VEZT: variants seen among roughly 807,000 people sequenced by gnomAD.
VEZT encodes the protein vezatin, adherens junctions transmembrane protein, also known as vezatin.
A neutral mutation model predicts 79.9 loss-of-function variants in VEZT; 39 were observed. The observed-to-expected ratio is 0.49, with a 90% CI of 0.38 to 0.64. The LOEUF is 0.64. VEZT is among the 30% of genes least tolerant of loss of function. The pLI, the probability that VEZT is intolerant of heterozygous loss-of-function variation, is 0.00. For missense variants in VEZT, 837 were observed against 893.1 expected, an observed-to-expected ratio of 0.94 and a Z score of 0.80; for synonymous variants, 325 against 327.6, an observed-to-expected ratio of 0.99 and a Z score of 0.09.
In VEZT at chr12:95,221,355, G is replaced by C. The variant is rs187124605; in HGVS notation, c.36+3469G>C. ...AAGCCAGGCAGATCACTTGAGGCTAGGAGTTTGAGACCAGCCTGGCCAACA... is the reference window on the plus strand; with the variant it reads ...AAGCCAGGCAGATCACTTGAGGCTACGAGTTTGAGACCAGCCTGGCCAACA... On this transcript the variant is annotated intron_variant, in intron 1 of 11. Transcript: ENST00000436874. Among the ~76,000 whole-genome samples the C allele has an allele frequency of 4.8e-3, 725 of 152,288 alleles. 5 individuals are homozygous for C. Among genetic ancestry groups the C allele is most frequent in the African/African-American group, 0.017 (699 of 41,552 alleles).
intron 7 of VEZT, among the ~76,000 whole-genome samples, chr12:95,281,703 G>A (rs537086756): frequency 1.3e-5 from 2 of 152,036 alleles, no homozygotes; most frequent in South Asian, 2.1e-4. Context: ...ATACCACCAT[G>A]TCTGGCTAAA....
chr12:95,297,941 G>A (rs112062919), intron 11 of VEZT, among the ~76,000 whole-genome samples: 7 of 151,972 alleles, frequency 4.6e-5, no homozygotes, highest in South Asian at 2.1e-4. Context: ...CCAACATGGC[G>A]AAACCCCCTC....
Position 95,271,033 on chromosome 12 carries a change from C to A in VEZT, c.848+845C>A, listed in dbSNP as rs1162439701. 3.3e-5 allele frequency among the ~76,000 whole-genome samples: 5 copies of A among 152,052 alleles called. 1 individual carries two copies. Among genetic ancestry groups the A allele is most frequent in the African/African-American group, 9.7e-5 (4 of 41,390 alleles). ...ATGTTCTATCATATCCTTATACAAA[C>A]CTTTGTAGCTAGATTTTCTTGTCTC... On this transcript the variant is annotated intron_variant, in intron 6 of 11. Coordinates refer to ENST00000436874, the MANE Select transcript of VEZT (RefSeq NM_017599.4).
At position 95,266,246 on chromosome 12, in the gene VEZT, A is replaced by G; in HGVS notation, c.435-111A>G. On this transcript the variant is annotated intron_variant, in intron 4 of 11. Transcript: ENST00000436874. Reference sequence around the variant, plus strand: ...AGTTATGCTTTACAAAGAAGCTAGCATTTTATTTATTTAGTAAACCTAAAT... The same window carrying G: ...AGTTATGCTTTACAAAGAAGCTAGCGTTTTATTTATTTAGTAAACCTAAAT... 3 of 1,200,398 alleles carry G rather than the reference A, an allele frequency of 2.5e-6. No homozygotes were observed. The South Asian group carries it at 4.9e-5, about 20-fold the overall frequency. The allele number at this position is 1,200,398 out of a possible 1,614,324, so 74.4% of individuals were successfully genotyped here.
intron 9 of VEZT, among the ~76,000 whole-genome samples, chr12:95,288,634 T>A (rs567863918): frequency 8.0e-4 from 122 of 152,370 alleles, no homozygotes; most frequent in South Asian, 1.7e-3. Flanking sequence ...AGATTTGTAA[T>A]AATTTCTTTA....
At chr12:95,285,340 A>G (rs1381745582) in intron 8 of VEZT, among the ~76,000 whole-genome samples, 2 of 151,880 alleles carry the variant, frequency 1.3e-5, no homozygotes, top group African/African-American at 4.8e-5. Context: ...GCTGCTTGGG[A>G]GGCTGAGGTG....
chr12:95,238,953 G>A (rs1226628323), intron 1 of VEZT, among the ~76,000 whole-genome samples: 1 of 152,140 alleles, frequency 6.6e-6, no homozygotes, highest in African/African-American at 2.4e-5. Context: ...TACAATATAT[G>A]TCCTAATATG....
At chr12:95,225,262 C>T (rs1038961756) in intron 1 of VEZT, among the ~76,000 whole-genome samples, 18 of 152,118 alleles carry the variant, frequency 1.2e-4, no homozygotes, top group Non-Finnish European at 1.9e-4. Flanking sequence ...GACAAGAGCA[C>T]GTGATCATGA....
intron 1 of VEZT, chr12:95,243,814 A>C (rs912404324): frequency 1.4e-5 from 5 of 363,072 alleles, no homozygotes; most frequent in Non-Finnish European, 2.7e-5. Context: ...CTCAAAACTG[A>C]ATTAGTTCTC....
intron 2 of VEZT, among the ~76,000 whole-genome samples, chr12:95,256,100 G>A (rs1417434309): frequency 1.3e-5 from 2 of 151,892 alleles, no homozygotes; most frequent in East Asian, 3.9e-4. Flanking sequence ...CACCCAGGCT[G>A]GAGTGCAATG....
chr12:95,300,619 TG>T lies in VEZT; in HGVS notation c.2287del (p.Glu763ArgfsTer6). The T allele has an allele frequency of 6.2e-7, 1 of 1,604,660 alleles. No individual in the cohort carries two copies. The highest frequency in any genetic ancestry group is 8.5e-7 in the Non-Finnish European group (1 of 1,174,398). ...TTMQEQTFGG[E>X]EEEQIIEENK... ...CCATGCAGGAACAGACTTTTGGTGG[TG>T]AGGAGGAAGAACAAATAATAGAAGA... On this transcript the variant is annotated frameshift_variant, in exon 12 of 12. Transcript: ENST00000436874. LOFTEE classifies it high-confidence loss of function.
chr12:95,219,245 T>C (rs1176249391), intron 1 of VEZT, among the ~76,000 whole-genome samples: 2 of 152,192 alleles, frequency 1.3e-5, no homozygotes, highest in Non-Finnish European at 2.9e-5. Flanking sequence ...TTTTGATTTC[T>C]GAATATAATA....
chr12:95,255,411 G>T (rs1269821025), intron 2 of VEZT, among the ~76,000 whole-genome samples: 1 of 152,024 alleles, frequency 6.6e-6, no homozygotes, highest in Non-Finnish European at 1.5e-5. Flanking sequence ...GGCCTTTATT[G>T]TTATTTAGCT....
At position 95,266,415 on chromosome 12, in the gene VEZT, A is replaced by G; in HGVS notation, c.493A>G (p.Ile165Val). 3 of 1,613,694 alleles carry G rather than the reference A, an allele frequency of 1.9e-6. No homozygotes were observed. The highest frequency in any genetic ancestry group is 2.5e-6 in the Non-Finnish European group (3 of 1,179,808). ...SLLVMLPTWW[I>V]VSSWLVWGVI... ...GCTCGTTATGCTTCCCACTTGGTGG[A>G]TTGTGTCTTCCTGGCTGGTATGGGG... is the stretch of plus-strand genomic sequence containing the variant. Residue 165 changes from isoleucine to valine, a missense_variant, in exon 5 of 12, where the codon ATT (isoleucine) becomes GTT (valine). Physicochemically the swap from Ile to Val is conservative, Grantham distance 29. Transcript: ENST00000436874.
rs183519125 is a variant in VEZT, at chr12:95,289,832, T to A, written c.1522+1975T>A. On this transcript the variant is annotated intron_variant, in intron 9 of 11. Coordinates refer to ENST00000436874, the MANE Select transcript of VEZT (RefSeq NM_017599.4). ...AAGTTGCAATAGTTGAAAGTCTCCT[T>A]CATCAATATTCCCTAGTTGTTGACA... is the stretch of plus-strand genomic sequence containing the variant. Among the ~76,000 whole-genome samples the A allele has an allele frequency of 5.3e-5, 8 of 152,342 alleles. No homozygotes were observed. In the East Asian group the frequency reaches 1.5e-3, roughly 29 times the overall value.
intron 9 of VEZT, 54 bp downstream of exon 9, chr12:95,287,911 C>A (rs2071412321): frequency 6.9e-7 from 1 of 1,443,740 alleles, no homozygotes; most frequent in South Asian, 1.5e-5. Context: ...TTATTCCACT[C>A]TGGTAGGATT....
At chr12:95,275,003 A>G (rs1245122661) in intron 7 of VEZT, 114 bp downstream of exon 7, 6 of 1,243,462 alleles carry the variant, frequency 4.8e-6, no homozygotes, top group Middle Eastern at 2.2e-4. Context: ...GCTGCATACC[A>G]TCATCATAAA....
chr12:95,262,376 A>G (rs2064709151), intron 3 of VEZT: 1 of 152,260 alleles, frequency 6.6e-6, no homozygotes, highest in African/African-American at 2.4e-5. Context: ...GGAGAAATAA[A>G]TGAGCTCGTA....
chr12:95,248,346 GA>G (rs1365213348), intron 1 of VEZT, among the ~76,000 whole-genome samples: 1 of 152,200 alleles, frequency 6.6e-6, no homozygotes, highest in Non-Finnish European at 1.5e-5. Context: ...CTGTCATTGT[GA>G]AATGTGAAAT....
Sources: gnomAD v4.1 joint callset for allele counts (sites outside exome capture counted in the v4.1 genomes callset) on GRCh38, gnomAD v4.1.1 for gene constraint, MANE v1.5 for transcripts, NCBI Gene and HGNC (gene_info 2026-07-23, HGNC 2026-07-21) for gene names.